The following DAGLA variants were observed in gnomAD, a reference collection of about 807,000 sequenced individuals.
DAGLA encodes the protein diacylglycerol lipase-alpha.
A neutral mutation model predicts 102.6 loss-of-function variants in DAGLA; 22 were observed. The ratio of observed to expected loss-of-function variants is 0.21; its 90% CI spans 0.15 to 0.31. The LOEUF (loss-of-function observed/expected upper bound fraction) is 0.31, where lower values mean the gene tolerates loss of function less well. DAGLA is among the 10% of genes least tolerant of loss of function. The pLI is 1.00. For synonymous variants in DAGLA, 578 were observed against 628.9 expected, an observed-to-expected ratio of 0.92 and a Z score of 1.21; for missense variants, 927 against 1,446.6, an observed-to-expected ratio of 0.64 and a Z score of 5.83.
chr11:61,690,319 A>C (rs985106909), intron 1 of DAGLA, among the ~76,000 whole-genome samples: 3 of 152,060 alleles, frequency 2.0e-5, no homozygotes, highest in African/African-American at 7.2e-5. Flanking sequence ...CCATTTATTC[A>C]AGGACATTTA....
rs974565981 is a variant in DAGLA at position 61,688,088 on chromosome 11, G to A, written c.-45+7584G>A. 3.3e-5 allele frequency among the ~76,000 whole-genome samples: 5 copies of A among 152,058 alleles called. No homozygotes were observed. In the South Asian group the frequency reaches 6.2e-4, roughly 19 times the overall value. ...TCCCAGCACTTTGGGAGACCGAGGC[G>A]GGCGGGTCACGAGGTCAGGAGATCG... On this transcript the variant is annotated intron_variant, in intron 1 of 19. Transcript: ENST00000257215.
chr11:61,744,432 C>A lies in DAGLA; in HGVS notation c.3072C>A (p.Pro1024=), dbSNP rs1183365147. ...LAADKIRTST[P]TGHGASPAKQ... is the part of the protein sequence containing the mutation. Reference sequence around the variant, plus strand: ...CTGACAAGATCCGGACTTCTACCCCCACTGGCCACGGAGCCAGCCCCGCCA... The same window carrying A: ...CTGACAAGATCCGGACTTCTACCCCAACTGGCCACGGAGCCAGCCCCGCCA... Residue 1024 remains proline, a synonymous_variant, in exon 20 of 20, where the codon CCC becomes CCA. Coordinates refer to ENST00000257215, the MANE Select transcript of DAGLA (RefSeq NM_006133.3). The A allele has an allele frequency of 1.2e-6, 2 of 1,603,272 alleles. No individual in the cohort carries two copies. Among genetic ancestry groups the A allele is most frequent in the Non-Finnish European group, 1.7e-6 (2 of 1,173,574 alleles).
At chr11:61,718,692 A>C (rs2065257170) in intron 1 of DAGLA, among the ~76,000 whole-genome samples, 1 of 144,982 alleles carries the variant, frequency 6.9e-6, no homozygotes, top group Non-Finnish European at 1.5e-5. Context: ...TCCTCCTTGG[A>C]GAGAGAGTGG....
intron 8 of DAGLA, 27 bp from the exon 9 acceptor site, chr11:61,731,290 G>T: frequency 6.2e-7 from 1 of 1,611,946 alleles, no homozygotes; most frequent in South Asian, 1.1e-5. Context: ...GGCAGGAGGT[G>T]ACCGCCCTCT....
chr11:61,702,498 A>G (rs2065117180), intron 1 of DAGLA, among the ~76,000 whole-genome samples: 1 of 152,188 alleles, frequency 6.6e-6, no homozygotes, highest in Non-Finnish European at 1.5e-5. Context: ...TGGGGGTAAA[A>G]GTGGATCCTA....
Position 61,744,283 on chromosome 11 carries a change from C to T in DAGLA, c.2923C>T (p.Leu975Phe), listed in dbSNP as rs1193845078. The change falls in exon 20 of 20, where the codon CTC becomes TTC. Residue 975 changes from leucine to phenylalanine, a missense_variant. Around this residue, in one of 4 missense-constraint regions of DAGLA, gnomAD observed 434 missense variants for 503.3 expected, o/e 0.86. Transcript: ENST00000257215. ...CAACCTGGTGCCCAAGCCCCCACGGCTCTTTGCCGGCTCAGCCGACCCCTC... is the reference window on the plus strand; with the variant it reads ...CAACCTGGTGCCCAAGCCCCCACGGTTCTTTGCCGGCTCAGCCGACCCCTC... ...EPNLVPKPPR[L>F]FAGSADPSSG... is the part of the protein sequence containing the mutation. The T allele has an allele frequency of 6.2e-7, 1 of 1,612,944 alleles. No homozygotes were observed. Among genetic ancestry groups the T allele is most frequent in the Admixed American group, 1.7e-5 (1 of 60,026 alleles).
intron 16 of DAGLA, 56 bp downstream of exon 16, chr11:61,738,263 G>A: frequency 6.9e-7 from 1 of 1,443,296 alleles, no homozygotes; most frequent in South Asian, 1.2e-5. Context: ...CCCTGCCCTT[G>A]ACCCCCACCG....
rs34365114 is a variant in DAGLA, at chr11:61,743,799, G to A, written c.2439G>A (p.Leu813=). Residue 813 remains leucine, a synonymous_variant, in exon 20 of 20, where the codon CTG becomes CTA. Transcript: ENST00000257215. ...GCTCCCCCAGCCTCCACGCTGTGCT[G>A]GAGCGTGATGAAGGCCACCTCTTCT... ...IRGSPSLHAV[L]ERDEGHLFYI... 19,216 of 1,612,576 alleles carry A rather than the reference G, an allele frequency of 0.012. 166 individuals carry two copies. Among genetic ancestry groups the A allele is most frequent in the Middle Eastern group, 0.02 (123 of 6,062 alleles).
At position 61,720,948 on chromosome 11, in the gene DAGLA, C is replaced by A. The variant is rs1424743575; in HGVS notation, c.307+58C>A. 13 of 1,528,452 alleles carry A rather than the reference C, an allele frequency of 8.5e-6. No homozygotes were observed. In the East Asian group the frequency reaches 2.3e-4, roughly 27 times the overall value. The allele number at this position is 1,528,452 out of a possible 1,614,324, so 94.7% of individuals were successfully genotyped here. ...GACAACTCCCACCTCTCCATTCACT[C>A]AGCCAGTATTTACTGCGCACATGTT... On this transcript the variant is annotated intron_variant, in intron 3 of 19. Coordinates refer to ENST00000257215, the MANE Select transcript of DAGLA (RefSeq NM_006133.3).
intron 9 of DAGLA, among the ~76,000 whole-genome samples, chr11:61,733,246 G>A (rs1024268145): frequency 1.3e-5 from 2 of 152,278 alleles, no homozygotes; most frequent in African/African-American, 4.8e-5. Context: ...GTCTCCAAAG[G>A]CCACACTGTT....
chr11:61,727,760 A>G (rs540584926), intron 6 of DAGLA, among the ~76,000 whole-genome samples: 2 of 152,272 alleles, frequency 1.3e-5, no homozygotes, highest in East Asian at 1.9e-4. Flanking sequence ...GGCAGCCAGG[A>G]GCTTAGTTTG....
At chr11:61,703,517 C>G (rs2065125017) in intron 1 of DAGLA, among the ~76,000 whole-genome samples, 2 of 152,182 alleles carry the variant, frequency 1.3e-5, no homozygotes, top group South Asian at 4.1e-4. Flanking sequence ...TGGCCTGTTG[C>G]AAGAACAGAG....
chr11:61,707,888 G>A (rs1425142676), intron 1 of DAGLA, among the ~76,000 whole-genome samples: 2 of 152,204 alleles, frequency 1.3e-5, no homozygotes, highest in African/African-American at 4.8e-5. Context: ...CGGGGTAGGG[G>A]TGTGGTTGGT....
intron 7 of DAGLA, among the ~76,000 whole-genome samples, chr11:61,728,539 C>G (rs2065349882): frequency 6.6e-6 from 1 of 152,208 alleles, no homozygotes; most frequent in African/African-American, 2.4e-5. Context: ...CTGGGGCTGG[C>G]CCTCAAAGGA....
At chr11:61,737,440 G>A in intron 14 of DAGLA, 116 bp downstream of exon 14, 1 of 1,432,770 alleles carries the variant, frequency 7.0e-7, no homozygotes, top group Non-Finnish European at 9.6e-7. Context: ...TGGAGGTCTG[G>A]GAGTGGCCTG....
At chr11:61,732,277 G>A (rs116081593) in intron 9 of DAGLA, among the ~76,000 whole-genome samples, 1,737 of 152,178 alleles carry the variant, frequency 0.011, 37 homozygotes, top group African/African-American at 0.038. Flanking sequence ...ACTCTGCAGC[G>A]CCCTCCCTGT....
intron 1 of DAGLA, among the ~76,000 whole-genome samples, chr11:61,717,508 AC>A (rs2065245319): frequency 6.6e-6 from 1 of 152,116 alleles, no homozygotes; most frequent in East Asian, 1.9e-4. Flanking sequence ...GCCTCTGCAG[AC>A]CTCTCATGTG....
chr11:61,706,973 TC>T (rs1394072022), intron 1 of DAGLA, among the ~76,000 whole-genome samples: 1 of 152,220 alleles, frequency 6.6e-6, no homozygotes, highest in Non-Finnish European at 1.5e-5. Context: ...GAAAGGTTCA[TC>T]CCCTGGAGTT....
intron 1 of DAGLA, among the ~76,000 whole-genome samples, chr11:61,682,920 GA>G (rs1163152202): frequency 3.9e-5 from 6 of 152,136 alleles, no homozygotes; most frequent in Non-Finnish European, 7.4e-5. Flanking sequence ...AGGCACCTCT[GA>G]GGGCAGACAG....
Sources: allele counts gnomAD v4.1 joint callset (sites outside exome capture counted in the v4.1 genomes callset), GRCh38; gene constraint gnomAD v4.1.1; regional missense constraint gnomAD v4.1.1; transcripts MANE v1.5; gene names NCBI Gene and HGNC (gene_info 2026-07-23, HGNC 2026-07-21).